Variants in MPPED1 observed in about 807,000 individuals in gnomAD.
MPPED1 encodes metallophosphoesterase domain containing 1.
A neutral mutation model predicts 36.2 loss-of-function variants in MPPED1; 16 were observed. That is an observed-to-expected ratio of 0.44 (90% CI 0.30 to 0.67). The LOEUF is 0.67. Ranked by LOEUF, MPPED1 falls within the 30% of genes least tolerant of loss-of-function variation. MPPED1 has a pLI of 0.10. For missense variants in MPPED1, 307 were observed against 453.4 expected, an observed-to-expected ratio of 0.68 and a Z score of 2.93; for synonymous variants, 199 against 191.3, an observed-to-expected ratio of 1.04 and a Z score of -0.33.
intron 3 of MPPED1, among the ~76,000 whole-genome samples, chr22:43,472,263 C>A (rs929774114): frequency 2.0e-5 from 3 of 152,174 alleles, no homozygotes; most frequent in Admixed American, 1.3e-4. Flanking sequence ...TTGTGCCAAA[C>A]AAAATATGTC....
chr22:43,417,832 G>T, intron 1 of MPPED1: 1 of 338,996 alleles, frequency 2.9e-6, no homozygotes, highest in South Asian at 2.3e-5. Flanking sequence ...AGAGGCTGGG[G>T]CTATTCAGTC....
intron 3 of MPPED1, among the ~76,000 whole-genome samples, chr22:43,453,202 G>A (rs1201462826): frequency 6.6e-6 from 1 of 151,906 alleles, no homozygotes; most frequent in Non-Finnish European, 1.5e-5. Context: ...TGCCCACTTC[G>A]GCCTCCCAAA....
intron 3 of MPPED1, among the ~76,000 whole-genome samples, chr22:43,463,289 C>T (rs1055391254): frequency 6.6e-6 from 1 of 151,100 alleles, no homozygotes; most frequent in Admixed American, 6.6e-5. Flanking sequence ...GATTTCTCTT[C>T]CTGCAACTTG....
intron 3 of MPPED1, among the ~76,000 whole-genome samples, chr22:43,449,594 A>T (rs978207350): frequency 2.6e-5 from 4 of 152,012 alleles, no homozygotes; most frequent in South Asian, 4.2e-4. Context: ...GCTCGGCCCC[A>T]TCCCCGCACC....
chr22:43,443,294 GC>G (rs1276171368), intron 3 of MPPED1, among the ~76,000 whole-genome samples: 9 of 152,170 alleles, frequency 5.9e-5, no homozygotes, highest in Admixed American at 2.0e-4. Flanking sequence ...TATTCTAGAG[GC>G]CACTGGGGGG....
chr22:43,447,884 T>TATATA (rs1491157280), intron 3 of MPPED1, among the ~76,000 whole-genome samples: 1,682 of 46,052 alleles, frequency 0.037, 19 homozygotes, highest in East Asian at 0.063. Context: ...TATATATATA[T>TATATA]TTTTTTTTTT....
At chr22:43,497,125 C>A (rs148327203) in intron 4 of MPPED1, among the ~76,000 whole-genome samples, 5 of 109,396 alleles carry the variant, frequency 4.6e-5, no homozygotes, top group African/African-American at 7.5e-5. Flanking sequence ...TGGTGATGGA[C>A]GTGGTGGTGG....
At chr22:43,491,763 A>G (rs1178489638) in intron 4 of MPPED1, among the ~76,000 whole-genome samples, 6 of 115,936 alleles carry the variant, frequency 5.2e-5, no homozygotes, top group African/African-American at 1.4e-4. Flanking sequence ...GGTAGTGGTG[A>G]TGGAGGTGGT....
At chr22:43,480,526 T>C (rs1931716166) in intron 4 of MPPED1, among the ~76,000 whole-genome samples, 1 of 152,214 alleles carries the variant, frequency 6.6e-6, no homozygotes, top group African/African-American at 2.4e-5. Context: ...TCAAGTCTTT[T>C]GTCCATTAAA....
chr22:43,476,946 C>G (rs76951604), intron 4 of MPPED1, among the ~76,000 whole-genome samples: 4,229 of 152,218 alleles, frequency 0.028, 135 homozygotes, highest in African/African-American at 0.071. Flanking sequence ...CCTTGACCCC[C>G]CTACCAGCCA....
chr22:43,500,117 GGTGGTGA>G lies in MPPED1; in HGVS notation c.748+1768_748+1774del, dbSNP rs1424583173. Among the ~76,000 whole-genome samples the G allele has an allele frequency of 1.3e-4, 15 of 117,908 alleles. 2 individuals are homozygous for G. Among genetic ancestry groups the G allele is most frequent in the African/African-American group, 5.0e-4 (14 of 27,986 alleles). 77.4% of individuals were successfully genotyped at this position (117,908 alleles called of 152,430 possible). A position where few individuals can be genotyped will look rare whatever the true frequency, so the allele number is the denominator to read the frequency against. On this transcript the variant is annotated intron_variant, in intron 5 of 6. Transcript: ENST00000443721. ...TGGAGGTGGTAGTGGGGGTGATGAA[GGTGGTGA>G]TGGAGGTGGTAATGGAGGTGGTGGG...
rs1237371441 is a variant in MPPED1, at chr22:43,435,120, C to A, written c.311C>A (p.Pro104His). 2 of 1,613,788 alleles carry A rather than the reference C, an allele frequency of 1.2e-6. No individual in the cohort carries two copies. The highest frequency in any genetic ancestry group is 2.2e-5 in the South Asian group (2 of 91,092). Residue 104 changes from proline to histidine, a missense_variant, in exon 3 of 7, where the codon CCC becomes CAC. By Grantham distance (77) the Pro-to-His change is moderately conservative. Transcript: ENST00000443721. ...TCTGATACCCACTCGAGGACGGACC[C>A]CATCCAGATGCCGTACGGCGACGTG... ...CVSDTHSRTD[P>H]IQMPYGDVLI...
chr22:43,413,454 C>G (rs1928977606), intron 1 of MPPED1, among the ~76,000 whole-genome samples: 1 of 152,024 alleles, frequency 6.6e-6, no homozygotes, highest in South Asian at 2.1e-4. Flanking sequence ...CACCAGCTGA[C>G]TGCCACGTCC....
intron 3 of MPPED1, among the ~76,000 whole-genome samples, chr22:43,459,452 C>T (rs117293030): frequency 0.049 from 7,492 of 152,294 alleles, 264 homozygotes; most frequent in Non-Finnish European, 0.067. Flanking sequence ...GCTCCTCTTA[C>T]GCACACATGA....
At position 43,435,205 on chromosome 22, in the gene MPPED1, C is replaced by T. The variant is rs368415701; in HGVS notation, c.396C>T (p.Asn132=). 1.5e-5 allele frequency: 24 copies of T among 1,608,164 alleles called. No individual in the cohort carries two copies. The African/African-American group carries it at 2.1e-4, about 14-fold the overall frequency. ...LGLPSEVKKF[N]EWLGSLPYEY... ...TCCCGAGCGAGGTGAAGAAGTTCAA[C>T]GAGTGGCTGGGTAGGTCCCTCCTGC... The change falls in exon 3 of 7, where the codon AAC becomes AAT. Residue 132 remains asparagine, a synonymous_variant. Coordinates refer to ENST00000443721, the MANE Select transcript of MPPED1 (RefSeq NM_001044370.2).
chr22:43,443,856 C>T (rs1188291080), intron 3 of MPPED1, among the ~76,000 whole-genome samples: 2 of 151,974 alleles, frequency 1.3e-5, no homozygotes, highest in Non-Finnish European at 2.9e-5. Flanking sequence ...AACTCTGGAG[C>T]CTCTTGTCAC....
At chr22:43,498,841 G>T (rs963828152) in intron 5 of MPPED1, among the ~76,000 whole-genome samples, 1 of 151,062 alleles carries the variant, frequency 6.6e-6, no homozygotes, top group East Asian at 1.9e-4. Context: ...CCCCTCATCT[G>T]CATACTGCCT....
chr22:43,472,723 T>C (rs563478744), intron 3 of MPPED1, among the ~76,000 whole-genome samples: 1 of 152,358 alleles, frequency 6.6e-6, no homozygotes, highest in East Asian at 1.9e-4. Context: ...GTTCCCTTTC[T>C]TACCGCCCTG....
chr22:43,467,594 T>G (rs1371785444), intron 3 of MPPED1, among the ~76,000 whole-genome samples: 1 of 152,198 alleles, frequency 6.6e-6, no homozygotes, highest in Non-Finnish European at 1.5e-5. Flanking sequence ...TTCTAGACCA[T>G]GCGCCATACC....
Sources: allele counts gnomAD v4.1 joint callset (sites outside exome capture counted in the v4.1 genomes callset), GRCh38; gene constraint gnomAD v4.1.1; transcripts MANE v1.5; gene names NCBI Gene and HGNC (gene_info 2026-07-23, HGNC 2026-07-21).